The following SAR1A variants were observed in gnomAD, a reference collection of about 807,000 sequenced individuals.
The protein encoded by SAR1A is secretion associated Ras related GTPase 1A.
SAR1A carries 6 observed loss-of-function variants against 22.6 expected under a neutral mutation model. That is an observed-to-expected ratio of 0.27 (90% CI 0.15 to 0.52). The LOEUF is 0.52. Ranked by LOEUF, SAR1A falls within the 20% of genes least tolerant of loss-of-function variation. The probability of loss-of-function intolerance (pLI) is 0.96; values close to 1 mark genes in which losing one functional copy is unlikely to be tolerated. For missense variants in SAR1A, 145 were observed against 245.1 expected (o/e 0.59, Z 2.73); for synonymous variants, 70 against 82.2 (o/e 0.85, Z 0.80).
intron 5 of SAR1A, among the ~76,000 whole-genome samples, chr10:70,155,306 G>C (rs112246104): frequency 0.035 from 5,356 of 151,768 alleles, 114 homozygotes; most frequent in East Asian, 0.058. Context: ...ATGTCTAAAT[G>C]ATTAAAAAAA....
intron 1 of SAR1A, among the ~76,000 whole-genome samples, chr10:70,170,024 T>G (rs534636137): frequency 6.6e-6 from 1 of 151,950 alleles, no homozygotes; most frequent in Admixed American, 6.5e-5. Flanking sequence ...AGCCTCAGTC[T>G]CCGAGTCTAC....
In SAR1A at chr10:70,147,359, G is replaced by A. The variant is rs1839265182; in HGVS notation, c.*5117C>T. The A allele has an allele frequency of 6.6e-6, 1 of 152,140 alleles. No homozygotes were observed. The highest frequency in any genetic ancestry group is 1.5e-5 in the Non-Finnish European group (1 of 68,036). The allele number at this position is 152,140 out of a possible 1,614,324, so 9.4% of individuals were successfully genotyped here. A position where few individuals can be genotyped will look rare whatever the true frequency, so the allele number is the denominator to read the frequency against. On this transcript the variant is annotated 3_prime_UTR_variant, in exon 7 of 7. Transcript: ENST00000373241. The stretch of plus-strand genomic sequence containing the variant: ...CACATTTCACATAACATAACCACCA[G>A]CCAGGATTTATCTAGGCCAGGGTCC...
rs1839288419 is a variant in SAR1A, at chr10:70,148,416, G to T, written c.*4060C>A. On this transcript the variant is annotated 3_prime_UTR_variant, in exon 7 of 7. Coordinates refer to ENST00000373241, the MANE Select transcript of SAR1A (RefSeq NM_020150.5). The stretch of plus-strand genomic sequence containing the variant: ...TTAGGCCATCTTGCCATAGCAGGCG[G>T]TCTTCTTTTGGTTCTATGACACAGA... 1 of 152,126 alleles carries T rather than the reference G, an allele frequency of 6.6e-6. No homozygotes were observed. Among genetic ancestry groups the T allele is most frequent in the South Asian group, 2.1e-4 (1 of 4,824 alleles). 9.4% of individuals were successfully genotyped at this position (152,126 alleles called of 1,614,324 possible).
chr10:70,152,365 C>A lies in SAR1A; in HGVS notation c.*111G>T. ...TTGACAGAGACTCTTGGCTTCTCAACGCCAGACATGGTTGGAGAGCTTTCC... is the reference window on the plus strand; with the variant it reads ...TTGACAGAGACTCTTGGCTTCTCAAAGCCAGACATGGTTGGAGAGCTTTCC... On this transcript the variant is annotated 3_prime_UTR_variant, in exon 7 of 7. Coordinates refer to ENST00000373241, the MANE Select transcript of SAR1A (RefSeq NM_020150.5). 1 of 980,868 alleles carries A rather than the reference C, an allele frequency of 1.0e-6. No individual in the cohort carries two copies. The allele number at this position is 980,868 out of a possible 1,614,324, so 60.8% of individuals were successfully genotyped here. A position where few individuals can be genotyped will look rare whatever the true frequency, so the allele number is the denominator to read the frequency against.
At chr10:70,164,299 C>T (rs1432944919) in intron 1 of SAR1A, among the ~76,000 whole-genome samples, 2 of 152,314 alleles carry the variant, frequency 1.3e-5, no homozygotes, top group African/African-American at 4.8e-5. Context: ...TGCCCTGAAA[C>T]CTTATTTTAG....
chr10:70,155,268 C>A, intron 5 of SAR1A: 1 of 305,744 alleles, frequency 3.3e-6, no homozygotes, highest in Non-Finnish European at 6.7e-6. Context: ...CTGCAGGAGG[C>A]ATTTTGAAGA....
chr10:70,156,164 G>C (rs779518386), intron 5 of SAR1A, among the ~76,000 whole-genome samples: 20 of 152,160 alleles, frequency 1.3e-4, no homozygotes, highest in Non-Finnish European at 2.6e-4. Flanking sequence ...TAGAGCTCAG[G>C]AGAGGTCTAG....
At chr10:70,159,975 AG>A in intron 4 of SAR1A, among the ~76,000 whole-genome samples, 1 of 152,250 alleles carries the variant, frequency 6.6e-6, no homozygotes, top group African/African-American at 2.4e-5. Flanking sequence ...TGAAATGGAT[AG>A]AATATACAAA....
chr10:70,168,235 A>C (rs2136725018), intron 1 of SAR1A, among the ~76,000 whole-genome samples: 1 of 152,352 alleles, frequency 6.6e-6, no homozygotes, highest in Middle Eastern at 3.4e-3. Context: ...AAAATGGAAA[A>C]TTAAAGTAGT....
chr10:70,148,403 G>A lies in SAR1A; in HGVS notation c.*4073C>T, dbSNP rs895654774. Reference sequence around the variant, plus strand: ...GGCAGGAATAAAATTAGGCCATCTTGCCATAGCAGGCGGTCTTCTTTTGGT... The same window carrying A: ...GGCAGGAATAAAATTAGGCCATCTTACCATAGCAGGCGGTCTTCTTTTGGT... On this transcript the variant is annotated 3_prime_UTR_variant, in exon 7 of 7. Coordinates refer to ENST00000373241, the MANE Select transcript of SAR1A (RefSeq NM_020150.5). 2.6e-5 allele frequency: 4 copies of A among 152,146 alleles called. No individual in the cohort carries two copies. The highest frequency in any genetic ancestry group is 6.5e-5 in the Admixed American group (1 of 15,272). 9.4% of individuals were successfully genotyped at this position (152,146 alleles called of 1,614,324 possible). A position where few individuals can be genotyped will look rare whatever the true frequency, so the allele number is the denominator to read the frequency against.
chr10:70,164,080 G>C, intron 1 of SAR1A: 1 of 765,458 alleles, frequency 1.3e-6, no homozygotes, highest in Admixed American at 1.8e-5. Flanking sequence ...GATCCTGATG[G>C]TGATGGTCAA....
rs767735411 is a variant in SAR1A, at chr10:70,152,470, CA to C, written c.*5del. The C allele has an allele frequency of 1.3e-5, 21 of 1,595,298 alleles. No individual in the cohort carries two copies. The highest frequency in any genetic ancestry group is 3.4e-6 in the Non-Finnish European group (4 of 1,162,902). ...GTAAAACTCTTTTATTTTCACCGTCCAAACATCAGTCAATATACTGGGAGAG... is the reference window on the plus strand; with the variant it reads ...GTAAAACTCTTTTATTTTCACCGTCCAACATCAGTCAATATACTGGGAGAG... On this transcript the variant is annotated 3_prime_UTR_variant, in exon 7 of 7. Coordinates refer to ENST00000373241, the MANE Select transcript of SAR1A (RefSeq NM_020150.5).
At chr10:70,165,883 C>A (rs946817538) in intron 1 of SAR1A, among the ~76,000 whole-genome samples, 8 of 152,194 alleles carry the variant, frequency 5.3e-5, no homozygotes, top group African/African-American at 1.9e-4. Context: ...ACTGATGCAA[C>A]AAACTTCCTT....
chr10:70,162,370 G>GAAGGGA (rs1331468166), intron 1 of SAR1A, among the ~76,000 whole-genome samples: 25 of 145,336 alleles, frequency 1.7e-4, no homozygotes, highest in South Asian at 1.4e-3. Flanking sequence ...AAAGGAAAGG[G>GAAGGGA]AAGGGAAAGG....
chr10:70,164,387 G>A (rs1175749532), intron 1 of SAR1A, among the ~76,000 whole-genome samples: 1 of 152,180 alleles, frequency 6.6e-6, no homozygotes, highest in Non-Finnish European at 1.5e-5. Flanking sequence ...AACTTAGGTG[G>A]AGTTGGTCAA....
At chr10:70,167,197 G>A (rs1248333171) in intron 1 of SAR1A, among the ~76,000 whole-genome samples, 2 of 152,100 alleles carry the variant, frequency 1.3e-5, no homozygotes, top group Non-Finnish European at 2.9e-5. Flanking sequence ...GTAGGATCTA[G>A]ACACACTGGT....
intron 1 of SAR1A, among the ~76,000 whole-genome samples, chr10:70,164,308 A>G (rs1803621145): frequency 6.6e-6 from 1 of 152,252 alleles, no homozygotes; most frequent in African/African-American, 2.4e-5. Flanking sequence ...ACCTTATTTT[A>G]GAAAACTGAT....
chr10:70,148,158 G>C lies in SAR1A; in HGVS notation c.*4318C>G, dbSNP rs950497189. 6.6e-6 allele frequency: 1 copy of C among 152,266 alleles called. No homozygotes were observed. Among genetic ancestry groups the C allele is most frequent in the Non-Finnish European group, 1.5e-5 (1 of 68,062 alleles). The allele number at this position is 152,266 out of a possible 1,614,324, so 9.4% of individuals were successfully genotyped here. A position where few individuals can be genotyped will look rare whatever the true frequency, so the allele number is the denominator to read the frequency against. On this transcript the variant is annotated 3_prime_UTR_variant, in exon 7 of 7. Transcript: ENST00000373241. ...CTCCCAAAGTGCTGGGATTACAGGC[G>C]TGAGCCACCGTACCCGGCCATCATT...
At position 70,152,430 on chromosome 10, in the gene SAR1A, G is replaced by A. The variant is rs753785428; in HGVS notation, c.*46C>T. 6 of 1,375,134 alleles carry A rather than the reference G, an allele frequency of 4.4e-6. No individual in the cohort carries two copies. The highest frequency in any genetic ancestry group is 6.2e-6 in the Non-Finnish European group (6 of 962,742). 85.2% of individuals were successfully genotyped at this position (1,375,134 alleles called of 1,614,324 possible). A position where few individuals can be genotyped will look rare whatever the true frequency, so the allele number is the denominator to read the frequency against. ...AAGTTCATGAGGAAGCTGTGAATAG[G>A]ATCAGTCCAGAGAAGTAAAACTCTT... On this transcript the variant is annotated 3_prime_UTR_variant, in exon 7 of 7. Coordinates refer to ENST00000373241, the MANE Select transcript of SAR1A (RefSeq NM_020150.5).
Sources: gnomAD v4.1 joint callset for allele counts (sites outside exome capture counted in the v4.1 genomes callset) on GRCh38, gnomAD v4.1.1 for gene constraint, MANE v1.5 for transcripts, NCBI Gene and HGNC (gene_info 2026-07-23, HGNC 2026-07-21) for gene names.